SCYL3: variants seen among roughly 807,000 people sequenced by gnomAD.
The protein encoded by SCYL3 is protein-associating with the carboxyl-terminal domain of ezrin.
In SCYL3, 35 loss-of-function variants were observed where a neutral mutation model predicts 73.8. The ratio of observed to expected loss-of-function variants is 0.47; its 90% CI spans 0.36 to 0.63. The LOEUF is 0.63. SCYL3 is among the 20% of genes least tolerant of loss of function. SCYL3 has a pLI of 0.00. For missense variants in SCYL3, 712 were observed against 798.9 expected (o/e 0.89, Z 1.31); for synonymous variants, 277 against 295.2 (o/e 0.94, Z 0.63).
In SCYL3 at chr1:169,880,338, T is replaced by A. The variant is rs919869537; in HGVS notation, c.166-1519A>T. Among the ~76,000 whole-genome samples the A allele has an allele frequency of 3.5e-4, 53 of 152,128 alleles. 1 individual carries two copies. The highest frequency in any genetic ancestry group is 7.2e-4 in the Admixed American group (11 of 15,276). On this transcript the variant is annotated intron_variant, in intron 2 of 12. Transcript: ENST00000367771. The stretch of plus-strand genomic sequence containing the variant: ...TGAATATAAAACAAGATAAATTTTT[T>A]AAAAAGCACACTTAAACATATTACC...
rs1181573921 is a variant in SCYL3, at chr1:169,864,577, C to T, written c.816-69G>A. On this transcript the variant is annotated intron_variant, in intron 8 of 12. Coordinates refer to ENST00000367771, the MANE Select transcript of SCYL3 (RefSeq NM_020423.7). ...GTATCAGCTTACTTGTACAGTTTAG[C>T]CTACACACATCCTCTCTCTCACTTC... 1.2e-5 allele frequency: 17 copies of T among 1,408,990 alleles called. No homozygotes were observed. In the Admixed American group the frequency reaches 3.8e-4, roughly 31 times the overall value. The allele number at this position is 1,408,990 out of a possible 1,614,324, so 87.3% of individuals were successfully genotyped here. A position where few individuals can be genotyped will look rare whatever the true frequency, so the allele number is the denominator to read the frequency against.
In SCYL3 at chr1:169,859,096, C is replaced by G. The variant is rs1274114436; in HGVS notation, c.1257G>C (p.Lys419Asn). The change falls in exon 11 of 13, where the codon AAG becomes AAC. Residue 419 changes from lysine (K) to asparagine (N), a missense_variant. By Grantham distance (94) the Lys-to-Asn change is moderately conservative. Transcript: ENST00000367771. ...PEVVVGGERT[K>N]IFKRTAPSFT... is the part of the protein sequence containing the mutation. ...AACTTGGGGCAGTGCGTTTGAAGATCTTGGTTCGTTCTCCTCCCACAACCA... is the reference window on the plus strand; with the variant it reads ...AACTTGGGGCAGTGCGTTTGAAGATGTTGGTTCGTTCTCCTCCCACAACCA... 2 of 1,613,924 alleles carry G rather than the reference C, an allele frequency of 1.2e-6. No individual in the cohort carries two copies. The highest frequency in any genetic ancestry group is 2.7e-5 in the African/African-American group (2 of 74,880).
At position 169,869,978 on chromosome 1, in the gene SCYL3, G is replaced by A. The variant is rs540436389; in HGVS notation, c.625+277C>T. On this transcript the variant is annotated intron_variant, in intron 6 of 12. Transcript: ENST00000367771. ...AAGGAATAGAGTCTACATTTAGACC[G>A]CTTAAGTACTATTACCAATTAATAA... Among the ~76,000 whole-genome samples, 19 of 152,262 alleles carry A rather than the reference G, an allele frequency of 1.2e-4. No homozygotes were observed. The South Asian group carries it at 1.9e-3, about 15-fold the overall frequency.
At chr1:169,873,628 A>T in intron 5 of SCYL3, 68 bp downstream of exon 5, 1 of 1,034,192 alleles carries the variant, frequency 9.7e-7, no homozygotes, top group Non-Finnish European at 1.5e-6. Context: ...AGCAGAGGAA[A>T]GTTTTTTAAA....
chr1:169,852,324 C>T lies in SCYL3; in HGVS notation c.*1389G>A, dbSNP rs929732915. ...AATTTTTGGCAGTAACTGAAGATCA[C>T]ATCTACTTATTAAAAGGCAGAATTT... On this transcript the variant is annotated 3_prime_UTR_variant, in exon 13 of 13. Transcript: ENST00000367771. 2.7e-5 allele frequency: 8 copies of T among 291,278 alleles called. No individual in the cohort carries two copies. The highest frequency in any genetic ancestry group is 1.1e-4 in the African/African-American group (5 of 44,546). The allele number at this position is 291,278 out of a possible 1,614,324, so 18.0% of individuals were successfully genotyped here.
chr1:169,893,458 G>A (rs1662226627), intron 1 of SCYL3, among the ~76,000 whole-genome samples: 1 of 152,076 alleles, frequency 6.6e-6, no homozygotes, highest in Non-Finnish European at 1.5e-5. Context: ...CGCCGCTCTC[G>A]CTTCGCTGGC....
intron 11 of SCYL3, among the ~76,000 whole-genome samples, chr1:169,858,053 T>C (rs1303425586): frequency 5.9e-5 from 9 of 152,212 alleles, no homozygotes; most frequent in Non-Finnish European, 1.0e-4. Context: ...TACACTACCA[T>C]ACAGTTTATA....
At chr1:169,873,551 T>G in intron 5 of SCYL3, 145 bp downstream of exon 5, 1 of 564,582 alleles carries the variant, frequency 1.8e-6, no homozygotes, top group Admixed American at 3.6e-5. Context: ...GGTGATAAGA[T>G]TAATCTTAGA....
intron 6 of SCYL3, among the ~76,000 whole-genome samples, chr1:169,869,781 A>G (rs1050120441): frequency 2.3e-4 from 35 of 152,350 alleles, no homozygotes; most frequent in African/African-American, 8.4e-4. Flanking sequence ...TTTAAGAGGC[A>G]ATGAAAGAAA....
intron 11 of SCYL3, among the ~76,000 whole-genome samples, chr1:169,857,239 G>GT (rs953877751): frequency 1.3e-5 from 2 of 152,190 alleles, no homozygotes; most frequent in South Asian, 2.1e-4. Flanking sequence ...TAAGCTGACA[G>GT]TATCTACTAA....
intron 2 of SCYL3, among the ~76,000 whole-genome samples, chr1:169,883,093 G>A (rs1452085351): frequency 1.3e-5 from 2 of 151,932 alleles, no homozygotes; most frequent in South Asian, 2.1e-4. Flanking sequence ...CTGAGCCAGC[G>A]AGACCACGAA....
chr1:169,855,789 T>C, intron 11 of SCYL3: 1 of 1,609,978 alleles, frequency 6.2e-7, no homozygotes, highest in Non-Finnish European at 8.5e-7. Context: ...AAATTTAATA[T>C]TTCTACCTGT....
At chr1:169,871,623 T>C (rs1178101443) in intron 5 of SCYL3, among the ~76,000 whole-genome samples, 1 of 151,702 alleles carries the variant, frequency 6.6e-6, no homozygotes, top group Non-Finnish European at 1.5e-5. Flanking sequence ...GTTTGGAGGG[T>C]TCAGAAGAAG....
rs377017679 is a variant in SCYL3 at position 169,873,673 on chromosome 1, A to G, written c.522+23T>C. 1.8e-5 allele frequency: 28 copies of G among 1,530,372 alleles called. No individual in the cohort carries two copies. The African/African-American group carries it at 2.9e-4, about 16-fold the overall frequency. The allele number at this position is 1,530,372 out of a possible 1,614,324, so 94.8% of individuals were successfully genotyped here. On this transcript the variant is annotated intron_variant, in intron 5 of 12. Coordinates refer to ENST00000367771, the MANE Select transcript of SCYL3 (RefSeq NM_020423.7). ...TCAATTACACAAAGGCACCTTCATT[A>G]TATGTGAAGTATATCATCTTACCAT...
intron 11 of SCYL3, chr1:169,855,825 C>T (rs140652144): frequency 4.8e-5 from 77 of 1,613,560 alleles, no homozygotes; most frequent in African/African-American, 8.0e-5. Flanking sequence ...GTAGTAATCT[C>T]GCTGTATGTG....
chr1:169,885,025 A>G (rs969193059), intron 2 of SCYL3, among the ~76,000 whole-genome samples: 1 of 152,236 alleles, frequency 6.6e-6, no homozygotes, highest in Non-Finnish European at 1.5e-5. Context: ...AATGAACATC[A>G]GTTGAGCAAA....
At chr1:169,889,714 T>C (rs1408851161) in intron 1 of SCYL3, among the ~76,000 whole-genome samples, 1 of 152,210 alleles carries the variant, frequency 6.6e-6, no homozygotes, top group Non-Finnish European at 1.5e-5. Context: ...ATTATCATGA[T>C]GTATGAGGAA....
At chr1:169,860,521 T>C (rs1264944224) in intron 10 of SCYL3, among the ~76,000 whole-genome samples, 1 of 152,234 alleles carries the variant, frequency 6.6e-6, no homozygotes, top group Non-Finnish European at 1.5e-5. Context: ...TTGGTCTTTT[T>C]ATTTTTCTGG....
rs1658728356 is a variant in SCYL3, at chr1:169,853,700, C to G, written c.*13G>C. On this transcript the variant is annotated 3_prime_UTR_variant, in exon 13 of 13. Transcript: ENST00000367771. ...GGGAATCCTTTTTCCTAAAGTTTAACTCACATCTATTGTCACCAGTTATTA... is the reference window on the plus strand; with the variant it reads ...GGGAATCCTTTTTCCTAAAGTTTAAGTCACATCTATTGTCACCAGTTATTA... 1 of 1,611,622 alleles carries G rather than the reference C, an allele frequency of 6.2e-7. No homozygotes were observed.
Sources: gnomAD v4.1 joint callset for allele counts (sites outside exome capture counted in the v4.1 genomes callset) on GRCh38, gnomAD v4.1.1 for gene constraint, MANE v1.5 for transcripts, NCBI Gene and HGNC (gene_info 2026-07-23, HGNC 2026-07-21) for gene names.